Variants in SGCD observed in about 807,000 individuals in gnomAD.
The protein encoded by SGCD is delta-sarcoglycan.
SGCD carries 18 observed loss-of-function variants against 36.6 expected under a neutral mutation model. The observed-to-expected ratio is 0.49, with a 90% confidence interval of 0.34 to 0.73. The LOEUF (loss-of-function observed/expected upper bound fraction) is 0.73, where lower values mean the gene tolerates loss of function less well. Ranked by LOEUF, SGCD falls within the 30% of genes least tolerant of loss-of-function variation. The probability of loss-of-function intolerance (pLI) is 0.01; values close to 1 mark genes in which losing one functional copy is unlikely to be tolerated. For missense variants in SGCD, 387 were observed against 346.7 expected, an observed-to-expected ratio of 1.12 and a Z score of -0.92; for synonymous variants, 133 against 130.6, an observed-to-expected ratio of 1.02 and a Z score of -0.12.
At chr5:155,917,591 A>G (rs954904769) in intron 1 of SGCD, among the ~76,000 whole-genome samples, 1 of 152,148 alleles carries the variant, frequency 6.6e-6, no homozygotes, top group African/African-American at 2.4e-5. Flanking sequence ...TTTTCAATGG[A>G]AATAAAACAT....
intron 4 of SGCD, among the ~76,000 whole-genome samples, chr5:156,529,162 C>G (rs1444366242): frequency 6.6e-6 from 1 of 151,960 alleles, no homozygotes; most frequent in Non-Finnish European, 1.5e-5. Flanking sequence ...TGCGCCAGCT[C>G]ACGTCTGTAA....
At chr5:155,921,403 G>C (rs1013390688) in intron 1 of SGCD, among the ~76,000 whole-genome samples, 1 of 152,034 alleles carries the variant, frequency 6.6e-6, no homozygotes, top group African/African-American at 2.4e-5. Flanking sequence ...AAGGAGATGG[G>C]GGTACGGTAG....
At chr5:156,343,380 TATGA>T (rs1295086480) in intron 2 of SGCD, among the ~76,000 whole-genome samples, 1 of 152,198 alleles carries the variant, frequency 6.6e-6, no homozygotes, top group Admixed American at 6.5e-5. Flanking sequence ...TCACATGGCT[TATGA>T]CAGAGTAGAG....
intron 2 of SGCD, among the ~76,000 whole-genome samples, chr5:156,123,356 A>C (rs1005245601): frequency 7.9e-5 from 12 of 152,116 alleles, no homozygotes; most frequent in African/African-American, 2.9e-4. Context: ...AAAAGATGCA[A>C]TAGAGGTAGC....
intron 7 of SGCD, among the ~76,000 whole-genome samples, chr5:156,688,576 A>C (rs1436237810): frequency 6.6e-6 from 1 of 152,216 alleles, no homozygotes; most frequent in African/African-American, 2.4e-5. Context: ...GGAGAGAAGT[A>C]AGATGGCTTC....
intron 3 of SGCD, among the ~76,000 whole-genome samples, chr5:156,217,165 A>G (rs1764598194): frequency 6.6e-6 from 1 of 152,212 alleles, no homozygotes; most frequent in African/African-American, 2.4e-5. Flanking sequence ...AAAAGTATTA[A>G]CGTGATTGAC....
intron 3 of SGCD, among the ~76,000 whole-genome samples, chr5:156,252,446 C>A (rs1394942708): frequency 1.3e-5 from 2 of 152,028 alleles, no homozygotes; most frequent in African/African-American, 4.8e-5. Context: ...AGGATGTTGT[C>A]CAGAGGCTAT....
chr5:156,474,164 G>A (rs187314002), intron 3 of SGCD, among the ~76,000 whole-genome samples: 3 of 152,122 alleles, frequency 2.0e-5, no homozygotes, highest in African/African-American at 7.2e-5. Context: ...GGCATTTTTG[G>A]GTAGAGGCCA....
chr5:155,729,664 G>A, the SGCD span, among the ~76,000 whole-genome samples: 1 of 152,162 alleles, frequency 6.6e-6, no homozygotes, highest in South Asian at 2.1e-4. Context: ...GGAGGGGAAC[G>A]GCTCCCTCCC....
chr5:155,892,426 G>C (rs1012872996), intron 1 of SGCD, among the ~76,000 whole-genome samples: 1 of 130,862 alleles, frequency 7.6e-6, no homozygotes, highest in Non-Finnish European at 1.6e-5. Flanking sequence ...CTGCACTCCA[G>C]TCTGGCAACA....
At chr5:156,307,007 T>G (rs1461110815) in intron 3 of SGCD, among the ~76,000 whole-genome samples, 2 of 151,914 alleles carry the variant, frequency 1.3e-5, no homozygotes, top group Non-Finnish European at 2.9e-5. Context: ...CCTGTGGTGT[T>G]TTTTGGTTGC....
chr5:156,501,855 TTAC>T (rs1182246466), intron 3 of SGCD, among the ~76,000 whole-genome samples: 1 of 152,132 alleles, frequency 6.6e-6, no homozygotes, highest in Non-Finnish European at 1.5e-5. Flanking sequence ...TAGATGTACT[TTAC>T]AGACTTCAGG....
intron 1 of SGCD, among the ~76,000 whole-genome samples, chr5:155,942,477 A>G (rs985974143): frequency 3.3e-5 from 5 of 152,144 alleles, no homozygotes; most frequent in East Asian, 1.9e-4. Flanking sequence ...AGTAGGAGAG[A>G]GAGAATTCTA....
At chr5:155,808,802 T>C in the SGCD span, among the ~76,000 whole-genome samples, 1 of 152,200 alleles carries the variant, frequency 6.6e-6, no homozygotes, top group Non-Finnish European at 1.5e-5. Context: ...GCTTCTCATG[T>C]TGTAGTTACA....
intron 3 of SGCD, among the ~76,000 whole-genome samples, chr5:156,251,168 T>A (rs920139689): frequency 6.6e-6 from 1 of 152,232 alleles, no homozygotes; most frequent in African/African-American, 2.4e-5. Flanking sequence ...CATTTCTTTT[T>A]TGTGTACAGT....
At chr5:156,236,575 G>A (rs1416159512) in intron 3 of SGCD, among the ~76,000 whole-genome samples, 10 of 148,896 alleles carry the variant, frequency 6.7e-5, no homozygotes, top group East Asian at 2.1e-4. Context: ...TCAGCCTCCC[G>A]AGTAGCTGGG....
At chr5:156,627,522 G>A (rs2113520792) in intron 6 of SGCD, among the ~76,000 whole-genome samples, 1 of 152,264 alleles carries the variant, frequency 6.6e-6, no homozygotes, top group South Asian at 2.1e-4. Context: ...CCTGAGTGGT[G>A]CCATTTATCA....
intron 3 of SGCD, among the ~76,000 whole-genome samples, chr5:156,377,726 A>C (rs183046732): frequency 2.0e-5 from 3 of 152,318 alleles, no homozygotes; most frequent in African/African-American, 7.2e-5. Flanking sequence ...CTTTACTACC[A>C]ATAATGTCCA....
intron 4 of SGCD, among the ~76,000 whole-genome samples, chr5:156,512,226 T>C (rs1756970182): frequency 6.7e-6 from 1 of 150,234 alleles, no homozygotes; most frequent in Non-Finnish European, 1.5e-5. Context: ...AACAATTGAC[T>C]GTTTTATCAA....
Sources: allele counts gnomAD v4.1 joint callset (sites outside exome capture counted in the v4.1 genomes callset), GRCh38; gene constraint gnomAD v4.1.1; transcripts MANE v1.5; gene names NCBI Gene and HGNC (gene_info 2026-07-23, HGNC 2026-07-21).